NXPE4: variants seen among roughly 807,000 people sequenced by gnomAD.
NXPE4 encodes neurexophilin and PC-esterase domain family member 4.
In NXPE4, 42 loss-of-function variants were observed where a neutral mutation model predicts 33.3. That is an observed-to-expected ratio of 1.26 (90% CI 0.98 to 1.63). The LOEUF is 1.63. Ranked by LOEUF, NXPE4 falls within the 40% of genes most tolerant of loss-of-function variation. The pLI is 0.00. For synonymous variants in NXPE4, 253 were observed against 234.9 expected (o/e 1.08, Z -0.71); for missense variants, 709 against 647.6 (o/e 1.09, Z -1.03).
upstream of NXPE4, among the ~76,000 whole-genome samples, chr11:114,596,105 A>G (rs1949568650): frequency 2.0e-5 from 3 of 152,232 alleles, no homozygotes; most frequent in African/African-American, 7.2e-5. Flanking sequence ...GTTTCCATCT[A>G]GCGTTATCAT....
the NXPE4 span, among the ~76,000 whole-genome samples, chr11:114,666,403 G>C: frequency 6.6e-6 from 1 of 151,924 alleles, no homozygotes; most frequent in Non-Finnish European, 1.5e-5. Flanking sequence ...CCCCTAAAGG[G>C]AAATTGATTA....
intron 2 of NXPE4, among the ~76,000 whole-genome samples, chr11:114,589,929 C>G (rs1949405052): frequency 6.6e-6 from 1 of 152,160 alleles, no homozygotes; most frequent in Admixed American, 6.6e-5. Flanking sequence ...ATCCCTATAC[C>G]TTGCTAATCC....
At chr11:114,662,030 C>G in the NXPE4 span, among the ~76,000 whole-genome samples, 3 of 152,218 alleles carry the variant, frequency 2.0e-5, no homozygotes, top group Non-Finnish European at 2.9e-5. Context: ...ACCTACCCCC[C>G]GCAAGGACAC....
intron 2 of NXPE4, among the ~76,000 whole-genome samples, chr11:114,588,312 C>T (rs1949357793): frequency 6.6e-6 from 1 of 152,160 alleles, no homozygotes; most frequent in South Asian, 2.1e-4. Flanking sequence ...CTAGGGTTCC[C>T]TTCTTATTGC....
At chr11:114,656,254 A>G in the NXPE4 span, among the ~76,000 whole-genome samples, 1 of 152,154 alleles carries the variant, frequency 6.6e-6, no homozygotes, top group African/African-American at 2.4e-5. Flanking sequence ...GGAGAACTAC[A>G]AGCCACTACT....
chr11:114,636,189 T>C, the NXPE4 span, among the ~76,000 whole-genome samples: 2 of 152,008 alleles, frequency 1.3e-5, no homozygotes, highest in African/African-American at 4.8e-5. Flanking sequence ...GGTTTAGTCT[T>C]AGGAGGGTGT....
chr11:114,576,995 A>ACG (rs1177957108), intron 5 of NXPE4, among the ~76,000 whole-genome samples: 1 of 91,258 alleles, frequency 1.1e-5, no homozygotes, highest in Non-Finnish European at 2.0e-5. Context: ...ATATATACAT[A>ACG]TATATATATA....
the NXPE4 span, among the ~76,000 whole-genome samples, chr11:114,623,773 G>A: frequency 1.3e-5 from 2 of 151,910 alleles, no homozygotes; most frequent in East Asian, 1.9e-4. Flanking sequence ...ATGTTGCCTC[G>A]TGGGTTACCA....
At chr11:114,628,816 G>A in the NXPE4 span, among the ~76,000 whole-genome samples, 37 of 151,554 alleles carry the variant, frequency 2.4e-4, no homozygotes, top group Admixed American at 8.6e-4. Context: ...TCAAATAGAC[G>A]CAATAAAAAA....
intron 5 of NXPE4, 81 bp from the exon 6 acceptor site, chr11:114,571,554 G>C: frequency 2.5e-6 from 3 of 1,218,780 alleles, no homozygotes; most frequent in Non-Finnish European, 3.4e-6. Context: ...GAAGAGATTT[G>C]ATTGGTATAA....
At chr11:114,627,750 T>G in the NXPE4 span, among the ~76,000 whole-genome samples, 9 of 152,116 alleles carry the variant, frequency 5.9e-5, no homozygotes, top group Non-Finnish European at 1.2e-4. Context: ...TCAAGACCCA[T>G]CAGTGTGCTG....
the NXPE4 span, among the ~76,000 whole-genome samples, chr11:114,604,917 T>C: frequency 6.6e-6 from 1 of 152,102 alleles, no homozygotes; most frequent in Admixed American, 6.6e-5. Context: ...ATAATTAGTG[T>C]TGCCTCTAGG....
the NXPE4 span, among the ~76,000 whole-genome samples, chr11:114,634,144 T>C: frequency 1.3e-5 from 2 of 151,668 alleles, no homozygotes; most frequent in African/African-American, 4.8e-5. Flanking sequence ...GACTTTTTAA[T>C]GATTGCCATT....
chr11:114,603,338 T>C, the NXPE4 span, among the ~76,000 whole-genome samples: 1 of 151,506 alleles, frequency 6.6e-6, no homozygotes, highest in South Asian at 2.1e-4. Flanking sequence ...TATTGCCTCA[T>C]CTCCTAGGTA....
chr11:114,585,996 A>G (rs997619635), intron 2 of NXPE4, among the ~76,000 whole-genome samples: 11 of 152,214 alleles, frequency 7.2e-5, no homozygotes, highest in Middle Eastern at 3.2e-3. Flanking sequence ...ATGAAAGATT[A>G]GAGTGGGACA....
chr11:114,642,972 C>T, the NXPE4 span, among the ~76,000 whole-genome samples: 3 of 151,742 alleles, frequency 2.0e-5, no homozygotes, highest in East Asian at 1.9e-4. Flanking sequence ...GGCATGAGAT[C>T]GTGGTTTTGT....
chr11:114,573,678 A>G (rs557806030), intron 5 of NXPE4, among the ~76,000 whole-genome samples: 1 of 152,216 alleles, frequency 6.6e-6, no homozygotes, highest in Non-Finnish European at 1.5e-5. Context: ...AATTCTAAAT[A>G]TATATGCATC....
the NXPE4 span, among the ~76,000 whole-genome samples, chr11:114,648,519 T>C: frequency 6.6e-6 from 1 of 152,184 alleles, no homozygotes. Flanking sequence ...ATTTAAACGT[T>C]AATCTACCAA....
At chr11:114,575,595 C>A (rs1948978924) in intron 5 of NXPE4, among the ~76,000 whole-genome samples, 1 of 151,624 alleles carries the variant, frequency 6.6e-6, no homozygotes. Flanking sequence ...TTCACAATAG[C>A]TGTAAAATAA....
Sources: allele counts gnomAD v4.1 joint callset (sites outside exome capture counted in the v4.1 genomes callset), GRCh38; gene constraint gnomAD v4.1.1; transcripts MANE v1.5; gene names NCBI Gene and HGNC (gene_info 2026-07-23, HGNC 2026-07-21).